DSTYK: variants seen among roughly 807,000 people sequenced by gnomAD.
DSTYK encodes RIP-homologous kinase.
Under a neutral mutation model 98.7 loss-of-function variants are expected in DSTYK, and 34 were observed. The ratio of observed to expected loss-of-function variants is 0.34; its 90% CI spans 0.26 to 0.46. The LOEUF is 0.46. Among genes scored for constraint, DSTYK ranks in the 20% least tolerant of loss-of-function variants. DSTYK has a pLI of 1.00. For synonymous variants in DSTYK, 462 were observed against 457.3 expected, an observed-to-expected ratio of 1.01 and a Z score of -0.13; for missense variants, 962 against 1,181.7, an observed-to-expected ratio of 0.81 and a Z score of 2.73.
At chr1:205,162,845 T>C in intron 5 of DSTYK, 78 bp downstream of exon 5, 1 of 1,090,500 alleles carries the variant, frequency 9.2e-7, no homozygotes, top group Non-Finnish European at 1.4e-6. Flanking sequence ...CCTAGATATC[T>C]GTTTCCTACT....
rs181686267 is a variant in DSTYK, at chr1:205,186,465, C to T, written c.654+953G>A. ...CACAACCAAAGGACTCATTCATTGACTGAGAAACTAAGCTTCTTAGAAGTG... is the reference window on the plus strand; with the variant it reads ...CACAACCAAAGGACTCATTCATTGATTGAGAAACTAAGCTTCTTAGAAGTG... On this transcript the variant is annotated intron_variant, in intron 2 of 12. Coordinates refer to ENST00000367162, the MANE Select transcript of DSTYK (RefSeq NM_015375.3). 2.0e-5 allele frequency among the ~76,000 whole-genome samples: 3 copies of T among 152,286 alleles called. No individual in the cohort carries two copies. In the East Asian group the frequency reaches 5.8e-4, roughly 29 times the overall value.
intron 1 of DSTYK, among the ~76,000 whole-genome samples, chr1:205,193,916 A>G (rs1658787142): frequency 6.6e-6 from 1 of 151,772 alleles, no homozygotes; most frequent in African/African-American, 2.4e-5. Context: ...TCTTCTCTGA[A>G]GCAAGCCATA....
At position 205,162,049 on chromosome 1, in the gene DSTYK, G is replaced by A. The variant is rs1469742479; in HGVS notation, c.1805C>T (p.Ala602Val). 1 of 1,613,492 alleles carries A rather than the reference G, an allele frequency of 6.2e-7. No individual in the cohort carries two copies. Among genetic ancestry groups the A allele is most frequent in the Non-Finnish European group, 8.5e-7 (1 of 1,179,520 alleles). ...RLNSSHEAFAASLRQLEAGHS... is the reference protein window; with the variant it reads ...RLNSSHEAFAVSLRQLEAGHS... ...CTACATACCAACCTGCCGCAAGGAG[G>A]CTGCAAAAGCCTCGTGGGAACTATT... Residue 602 changes from alanine to valine, a missense_variant, in exon 6 of 13, where the codon GCC (alanine) becomes GTC (valine). This residue lies in a region of DSTYK where 660 missense variants were observed against 855.0 expected (regional missense o/e 0.77). Transcript: ENST00000367162.
At position 205,147,568 on chromosome 1, in the gene DSTYK, T is replaced by A. The variant is rs141793968; in HGVS notation, c.2780A>T (p.Asp927Val). Reference sequence around the variant, plus strand: ...GAAAGGTCTTTGCTTTCAAGTAGAATCATCTAGTCCTCTGTTTGGCTGCTC... The same window carrying A: ...GAAAGGTCTTTGCTTTCAAGTAGAAACATCTAGTCCTCTGTTTGGCTGCTC... ...NSEQPNRGLDDST is the reference protein window; with the variant it reads ...NSEQPNRGLDVST The change falls in exon 13 of 13, where the codon GAT becomes GTT. Residue 927 changes from aspartate to valine, a missense_variant. Asp to Val is a radical substitution (Grantham distance 152, BLOSUM62 -3). This residue lies in a region of DSTYK where 65 missense variants were observed against 63.9 expected (regional missense o/e 1.02). Coordinates refer to ENST00000367162, the MANE Select transcript of DSTYK (RefSeq NM_015375.3). The A allele has an allele frequency of 3.1e-6, 5 of 1,603,674 alleles. No individual in the cohort carries two copies. In the African/African-American group the frequency reaches 6.7e-5, roughly 21 times the overall value.
At chr1:205,159,381 G>A (rs1480932630) in intron 9 of DSTYK, among the ~76,000 whole-genome samples, 166 bp downstream of exon 9, 1 of 152,184 alleles carries the variant, frequency 6.6e-6, no homozygotes, top group African/African-American at 2.4e-5. Flanking sequence ...GAGCCACCAT[G>A]CCCAGCTGAG....
At position 205,165,760 on chromosome 1, in the gene DSTYK, A is replaced by G. The variant is rs532399357; in HGVS notation, c.1325-1805T>C. On this transcript the variant is annotated intron_variant, in intron 3 of 12. Transcript: ENST00000367162. ...TATGTACAATGATGATTAATGCAGT[A>G]CATTTTGTATTAGCGAAAGAGAAAA... Among the ~76,000 whole-genome samples the G allele has an allele frequency of 5.3e-5, 8 of 152,370 alleles. No homozygotes were observed. In the South Asian group the frequency reaches 1.7e-3, roughly 32 times the overall value.
intron 1 of DSTYK, among the ~76,000 whole-genome samples, chr1:205,190,715 T>C (rs1008322366): frequency 5.9e-5 from 9 of 151,418 alleles, no homozygotes; most frequent in Non-Finnish European, 1.5e-5. Context: ...GAAGTCCAGC[T>C]AGACTGTCTT....
intron 2 of DSTYK, among the ~76,000 whole-genome samples, chr1:205,172,301 G>T (rs370227721): frequency 0.027 from 3,819 of 140,730 alleles, 69 homozygotes; most frequent in East Asian, 0.071. Context: ...TTTGTTTGTG[G>T]TTTTTTTTTT....
chr1:205,145,483 AG>A lies in DSTYK; in HGVS notation c.*2074del, dbSNP rs1410545786. 1 of 151,464 alleles carries A rather than the reference AG, an allele frequency of 6.6e-6. No homozygotes were observed. The highest frequency in any genetic ancestry group is 1.5e-5 in the Non-Finnish European group (1 of 67,900). The allele number at this position is 151,464 out of a possible 1,614,324, so 9.4% of individuals were successfully genotyped here. A position where few individuals can be genotyped will look rare whatever the true frequency, so the allele number is the denominator to read the frequency against. On this transcript the variant is annotated 3_prime_UTR_variant, in exon 13 of 13. Transcript: ENST00000367162. ...TGGTCATTCTGTCATAGACAACCCT[AG>A]AAAATCCCAGCAGCAGATGTGCGAC... is the stretch of plus-strand genomic sequence containing the variant.
intron 2 of DSTYK, among the ~76,000 whole-genome samples, chr1:205,186,074 T>C (rs185687059): frequency 4.6e-5 from 7 of 152,046 alleles, no homozygotes; most frequent in Admixed American, 2.0e-4. Context: ...TTGAAAACCA[T>C]TGAGCTATTG....
At chr1:205,180,499 C>T (rs1658365371) in intron 2 of DSTYK, among the ~76,000 whole-genome samples, 1 of 152,118 alleles carries the variant, frequency 6.6e-6, no homozygotes, top group African/African-American at 2.4e-5. Flanking sequence ...TTTTTTGAGA[C>T]AGAGACCCAG....
chr1:205,211,201 A>G, intron 1 of DSTYK, 70 bp downstream of exon 1: 3 of 1,496,294 alleles, frequency 2.0e-6, no homozygotes, highest in South Asian at 1.3e-5. Context: ...CTTGTTTTGC[A>G]GGGCAGGGGT....
chr1:205,205,004 G>A (rs1659158304), intron 1 of DSTYK, among the ~76,000 whole-genome samples: 1 of 152,154 alleles, frequency 6.6e-6, no homozygotes, highest in African/African-American at 2.4e-5. Context: ...TTTGGCCACT[G>A]AATGCTGCTT....
At chr1:205,176,171 C>T (rs1290002728) in intron 2 of DSTYK, among the ~76,000 whole-genome samples, 2 of 152,084 alleles carry the variant, frequency 1.3e-5, no homozygotes, top group Non-Finnish European at 2.9e-5. Flanking sequence ...CCCATTTTCT[C>T]GGCATGATTA....
At chr1:205,205,345 C>T (rs1659167400) in intron 1 of DSTYK, among the ~76,000 whole-genome samples, 1 of 152,132 alleles carries the variant, frequency 6.6e-6, no homozygotes, top group Non-Finnish European at 1.5e-5. Flanking sequence ...TCCTCTTTCC[C>T]AACTTTTCAT....
At position 205,150,636 on chromosome 1, in the gene DSTYK, G is replaced by T; in HGVS notation, c.2467+44C>A. On this transcript the variant is annotated intron_variant, in intron 11 of 12. Transcript: ENST00000367162. The surrounding 1 kb of genome is among the most constrained non-coding windows in gnomAD (Gnocchi z 4.1). ...TCAAGGGGTAGCACTCAGGATTAAA[G>T]TAGTACGCCCTGCCCAGACCCACTG... The T allele has an allele frequency of 6.8e-7, 1 of 1,470,142 alleles. No homozygotes were observed. The highest frequency in any genetic ancestry group is 9.5e-7 in the Non-Finnish European group (1 of 1,053,920). 91.1% of individuals were successfully genotyped at this position (1,470,142 alleles called of 1,614,324 possible).
intron 1 of DSTYK, among the ~76,000 whole-genome samples, chr1:205,206,274 T>G (rs1053035281): frequency 1.3e-4 from 20 of 149,864 alleles, no homozygotes; most frequent in African/African-American, 4.4e-4. Context: ...TTTTTTTTGG[T>G]TTTTTTTTTA....
intron 1 of DSTYK, among the ~76,000 whole-genome samples, chr1:205,207,632 T>G (rs1659243047): frequency 6.7e-6 from 1 of 149,300 alleles, no homozygotes; most frequent in South Asian, 2.1e-4. Flanking sequence ...GGCAGGCGCC[T>G]ATAGTCCCAG....
chr1:205,210,498 TA>T (rs1659339586), intron 1 of DSTYK, among the ~76,000 whole-genome samples: 1 of 152,116 alleles, frequency 6.6e-6, no homozygotes, highest in South Asian at 2.1e-4. Flanking sequence ...AACAGCAGTT[TA>T]AAAGGAAGCA....
Sources: allele counts gnomAD v4.1 joint callset (sites outside exome capture counted in the v4.1 genomes callset), GRCh38; gene constraint gnomAD v4.1.1; regional missense constraint gnomAD v4.1.1; non-coding constraint Gnocchi (gnomAD v3.1); transcripts MANE v1.5; gene names NCBI Gene and HGNC (gene_info 2026-07-23, HGNC 2026-07-21).